The following DMRT1 variants were observed in gnomAD, a reference collection of about 807,000 sequenced individuals.
DMRT1 encodes doublesex- and mab-3-related transcription factor 1.
DMRT1 carries 7 observed loss-of-function variants against 32.3 expected under a neutral mutation model. The ratio of observed to expected loss-of-function variants is 0.22; its 90% CI spans 0.12 to 0.41. The LOEUF (loss-of-function observed/expected upper bound fraction) is 0.41. Among genes scored for constraint, DMRT1 ranks in the 10% least tolerant of loss-of-function variants. DMRT1 has a pLI of 1.00. For missense variants in DMRT1, 625 were observed against 500.5 expected (o/e 1.25, Z -2.37); for synonymous variants, 278 against 206.1 (o/e 1.35, Z -2.99).
chr9:874,215 T>C (rs1172087853), intron 2 of DMRT1, among the ~76,000 whole-genome samples: 1 of 152,244 alleles, frequency 6.6e-6, no homozygotes, highest in Non-Finnish European at 1.5e-5. Context: ...TTTCCCAGTC[T>C]TGAGATTCTA....
intron 4 of DMRT1, among the ~76,000 whole-genome samples, chr9:920,195 G>C (rs1818310097): frequency 6.6e-6 from 1 of 152,160 alleles, no homozygotes; most frequent in Non-Finnish European, 1.5e-5. Context: ...TCAGTGCATA[G>C]GTTTATTTGA....
intron 2 of DMRT1, among the ~76,000 whole-genome samples, chr9:892,651 G>A (rs771276035): frequency 1.3e-5 from 2 of 152,044 alleles, no homozygotes; most frequent in African/African-American, 2.4e-5. Flanking sequence ...TCCTTCACTT[G>A]CCCTAAGCAG....
At chr9:868,206 T>G (rs1307940135) in intron 2 of DMRT1, among the ~76,000 whole-genome samples, 1 of 152,184 alleles carries the variant, frequency 6.6e-6, no homozygotes, top group African/African-American at 2.4e-5. Context: ...CTCAAACTCC[T>G]AAGCTCAAGC....
At chr9:950,754 A>C (rs113831412) in intron 4 of DMRT1, among the ~76,000 whole-genome samples, 9 of 152,290 alleles carry the variant, frequency 5.9e-5, no homozygotes, top group African/African-American at 1.9e-4. Flanking sequence ...GCCCCGACTC[A>C]TTAAAGAAAG....
chr9:916,056 T>A (rs1414353577), intron 3 of DMRT1, among the ~76,000 whole-genome samples: 1 of 152,136 alleles, frequency 6.6e-6, no homozygotes, highest in African/African-American at 2.4e-5. Flanking sequence ...AATACTCTCC[T>A]TATATGAACA....
At chr9:930,409 T>TA (rs199871406) in intron 4 of DMRT1, among the ~76,000 whole-genome samples, 5 of 151,676 alleles carry the variant, frequency 3.3e-5, no homozygotes, top group Admixed American at 6.6e-5. Context: ...TTTTTTTTAT[T>TA]AAAAAAATTT....
intron 2 of DMRT1, among the ~76,000 whole-genome samples, chr9:873,044 G>C (rs562119810): frequency 8.3e-4 from 126 of 152,282 alleles, no homozygotes; most frequent in Non-Finnish European, 1.7e-3. Context: ...AATAATCCTT[G>C]AGCAGTTTGC....
intron 3 of DMRT1, among the ~76,000 whole-genome samples, chr9:912,400 A>G (rs1437417627): frequency 6.6e-6 from 1 of 152,214 alleles, no homozygotes; most frequent in Non-Finnish European, 1.5e-5. Flanking sequence ...TTTTACTGGA[A>G]TTCTTTTATA....
chr9:938,397 A>G (rs1818955728), intron 4 of DMRT1, among the ~76,000 whole-genome samples: 1 of 152,232 alleles, frequency 6.6e-6, no homozygotes, highest in African/African-American at 2.4e-5. Flanking sequence ...TAAGTCTTCC[A>G]GTCCATGAAC....
At chr9:868,851 A>T (rs1471127573) in intron 2 of DMRT1, among the ~76,000 whole-genome samples, 1 of 152,108 alleles carries the variant, frequency 6.6e-6, no homozygotes, top group Non-Finnish European at 1.5e-5. Flanking sequence ...TCCTACAAAA[A>T]ATAAAAAAAT....
intron 3 of DMRT1, among the ~76,000 whole-genome samples, chr9:908,972 C>T (rs1041272986): frequency 6.6e-6 from 1 of 152,092 alleles, no homozygotes; most frequent in Non-Finnish European, 1.5e-5. Context: ...CCACCCCTCA[C>T]CCCACACACG....
At chr9:862,365 G>T (rs1815752533) in intron 2 of DMRT1, among the ~76,000 whole-genome samples, 2 of 152,076 alleles carry the variant, frequency 1.3e-5, no homozygotes, top group African/African-American at 4.8e-5. Flanking sequence ...GTCAGGTGTG[G>T]CGGCGCGCGC....
Position 917,025 on chromosome 9 carries a change from G to C in DMRT1, c.967+118G>C, listed in dbSNP as rs545529923. On this transcript the variant is annotated intron_variant, in intron 4 of 4. Coordinates refer to ENST00000382276, the MANE Select transcript of DMRT1 (RefSeq NM_021951.3). ...AGTAATTGTTGGAAATTTTATTGCT[G>C]TGTGAAGCTTGGATAAGTATCCTTT... 39 of 1,140,926 alleles carry C rather than the reference G, an allele frequency of 3.4e-5. No homozygotes were observed. In the South Asian group the frequency reaches 4.9e-4, roughly 14 times the overall value. 70.7% of individuals were successfully genotyped at this position (1,140,926 alleles called of 1,614,324 possible). A position where few individuals can be genotyped will look rare whatever the true frequency, so the allele number is the denominator to read the frequency against.
chr9:896,281 T>C (rs1404134396), intron 3 of DMRT1, among the ~76,000 whole-genome samples: 1 of 150,142 alleles, frequency 6.7e-6, no homozygotes, highest in African/African-American at 2.4e-5. Context: ...TTTTCTTGTC[T>C]TTTCTTTTTT....
chr9:968,466 A>C lies in DMRT1; in HGVS notation c.*327A>C. On this transcript the variant is annotated 3_prime_UTR_variant, in exon 5 of 5. Transcript: ENST00000382276. Reference sequence around the variant, plus strand: ...TTGTGTGCCTCTAAATGAGTCATCTAATTAGATGTTACTTTTAGTTTTAAA... The same window carrying C: ...TTGTGTGCCTCTAAATGAGTCATCTCATTAGATGTTACTTTTAGTTTTAAA... 1 of 213,700 alleles carries C rather than the reference A, an allele frequency of 4.7e-6. No homozygotes were observed. The highest frequency in any genetic ancestry group is 1.1e-4 in the East Asian group (1 of 8,760). 13.2% of individuals were successfully genotyped at this position (213,700 alleles called of 1,614,324 possible).
At chr9:920,807 G>T (rs1463353657) in intron 4 of DMRT1, among the ~76,000 whole-genome samples, 1 of 152,202 alleles carries the variant, frequency 6.6e-6, no homozygotes, top group Non-Finnish European at 1.5e-5. Context: ...AGCAAGCCAG[G>T]TGGGGTGGGA....
At chr9:905,642 C>T (rs951305739) in intron 3 of DMRT1, among the ~76,000 whole-genome samples, 1 of 152,064 alleles carries the variant, frequency 6.6e-6, no homozygotes. Flanking sequence ...TGCGGTGCCC[C>T]GTTCTCCCGT....
At chr9:871,466 G>C (rs2132608181) in intron 2 of DMRT1, among the ~76,000 whole-genome samples, 2 of 151,232 alleles carry the variant, frequency 1.3e-5, no homozygotes, top group Middle Eastern at 6.9e-3. Flanking sequence ...CAGAGTAGCT[G>C]GGACTACAGG....
rs1564204005 is a variant in DMRT1, at chr9:861,901, A to ACGGGGCGGCGGGGCAGAGGCGC, written c.538+14758_538+14759insCGGGGCGGCGGGGCAGAGGCGC. ...GGCAGAGGCACTCTTCACATCCCAG[A>ACGGGGCGGCGGGGCAGAGGCGC]TGGGGCGGCGGGGCAGAGGCGCTCC... On this transcript the variant is annotated intron_variant, in intron 2 of 4. Transcript: ENST00000382276. Among the ~76,000 whole-genome samples the ACGGGGCGGCGGGGCAGAGGCGC allele has an allele frequency of 2.8e-5, 4 of 145,242 alleles. 1 individual carries two copies. Among genetic ancestry groups the ACGGGGCGGCGGGGCAGAGGCGC allele is most frequent in the Non-Finnish European group, 1.5e-5 (1 of 66,558 alleles).
Sources: allele counts gnomAD v4.1 joint callset (sites outside exome capture counted in the v4.1 genomes callset), GRCh38; gene constraint gnomAD v4.1.1; transcripts MANE v1.5; gene names NCBI Gene and HGNC (gene_info 2026-07-23, HGNC 2026-07-21).